CADPS: variants seen among roughly 807,000 people sequenced by gnomAD.
CADPS encodes calcium dependent secretion activator.
A neutral mutation model predicts 167.3 loss-of-function variants in CADPS; 57 were observed. The ratio of observed to expected loss-of-function variants is 0.34; its 90% CI spans 0.28 to 0.42. CADPS has a LOEUF of 0.42. Among genes scored for constraint, CADPS ranks in the 20% least tolerant of loss-of-function variants. The pLI is 1.00. For synonymous variants in CADPS, 676 were observed against 635.3 expected (o/e 1.06, Z -0.96); for missense variants, 1,414 against 1,738.1 (o/e 0.81, Z 3.32).
intron 1 of CADPS, among the ~76,000 whole-genome samples, chr3:62,837,409 C>T (rs1285426602): frequency 1.3e-5 from 2 of 152,198 alleles, no homozygotes; most frequent in Non-Finnish European, 2.9e-5. Context: ...GAGAGAACTA[C>T]AGCATCAGCA....
chr3:62,720,508 A>G (rs1046361280), intron 3 of CADPS, among the ~76,000 whole-genome samples: 16 of 152,036 alleles, frequency 1.1e-4, no homozygotes, highest in Admixed American at 7.9e-4. Context: ...AATTTTTAGA[A>G]AATTATTTTT....
chr3:62,494,424 A>G (rs1335444562), intron 18 of CADPS, among the ~76,000 whole-genome samples: 1 of 152,212 alleles, frequency 6.6e-6, no homozygotes, highest in Non-Finnish European at 1.5e-5. Context: ...CTGATTCCAG[A>G]CATTTGAAAA....
chr3:62,422,419 G>A (rs986598200), intron 28 of CADPS, among the ~76,000 whole-genome samples: 6 of 152,146 alleles, frequency 3.9e-5, no homozygotes, highest in African/African-American at 7.2e-5. Flanking sequence ...ACGATCTATC[G>A]GGAAAGCTCT....
intron 1 of CADPS, among the ~76,000 whole-genome samples, chr3:62,827,420 T>A (rs147969457): frequency 6.6e-6 from 1 of 152,164 alleles, no homozygotes; most frequent in Admixed American, 6.5e-5. Flanking sequence ...ATAACCCCCA[T>A]GAGGCACATA....
At chr3:62,846,931 G>A (rs933113319) in intron 1 of CADPS, among the ~76,000 whole-genome samples, 1 of 152,174 alleles carries the variant, frequency 6.6e-6, no homozygotes, top group African/African-American at 2.4e-5. Context: ...GCCTCCCAAA[G>A]TGCTGGGATT....
At chr3:62,722,746 T>G (rs967128355) in intron 3 of CADPS, among the ~76,000 whole-genome samples, 8 of 152,230 alleles carry the variant, frequency 5.3e-5, no homozygotes, top group African/African-American at 1.9e-4. Flanking sequence ...ATGAACAGAT[T>G]GATCCAGCGT....
chr3:62,641,157 C>G lies in CADPS; in HGVS notation c.1325+4565G>C, dbSNP rs137967994. ...CATTGCTACAAAAGACAAAACAGCA[C>G]CACCAGCCATGAATGGAAGGTAAGC... On this transcript the variant is annotated intron_variant, in intron 6 of 29. Coordinates refer to ENST00000383710, the MANE Select transcript of CADPS (RefSeq NM_003716.4). Among the ~76,000 whole-genome samples, 923 of 152,206 alleles carry G rather than the reference C, an allele frequency of 6.1e-3. 12 individuals are homozygous for G. Among genetic ancestry groups the G allele is most frequent in the African/African-American group, 0.021 (867 of 41,544 alleles).
chr3:62,745,552 C>T (rs12107688), intron 3 of CADPS, among the ~76,000 whole-genome samples: 2 of 152,062 alleles, frequency 1.3e-5, no homozygotes, highest in Non-Finnish European at 2.9e-5. Context: ...TGTCTTGGAA[C>T]AGACAGATTG....
At chr3:62,852,878 A>G (rs911073664) in intron 1 of CADPS, among the ~76,000 whole-genome samples, 8 of 152,370 alleles carry the variant, frequency 5.3e-5, no homozygotes, top group Non-Finnish European at 7.3e-5. Context: ...ATGAATAACT[A>G]GAAACATAAA....
chr3:62,616,051 T>C (rs1226864760), intron 6 of CADPS, among the ~76,000 whole-genome samples: 4 of 152,156 alleles, frequency 2.6e-5, no homozygotes, highest in Non-Finnish European at 5.9e-5. Flanking sequence ...CAAATGTTTT[T>C]CCCCTTTTCT....
At chr3:62,550,929 A>T (rs2077222509) in intron 10 of CADPS, 1 of 456,486 alleles carries the variant, frequency 2.2e-6, no homozygotes. Flanking sequence ...TCCTCCTACC[A>T]TCCTGGCTGC....
intron 1 of CADPS, among the ~76,000 whole-genome samples, chr3:62,872,949 G>T (rs1259280402): frequency 3.9e-5 from 6 of 152,162 alleles, no homozygotes; most frequent in Non-Finnish European, 8.8e-5. Context: ...ATTACAATAG[G>T]AATTCCAAAC....
At position 62,720,846 on chromosome 3, in the gene CADPS, C is replaced by G. The variant is rs1268380900; in HGVS notation, c.888+32595G>C. 3.5e-5 allele frequency among the ~76,000 whole-genome samples: 5 copies of G among 143,336 alleles called. No individual in the cohort carries two copies. In the East Asian group the frequency reaches 1.0e-3, roughly 29 times the overall value. The allele number at this position is 143,336 out of a possible 152,430, so 94.0% of individuals were successfully genotyped here. On this transcript the variant is annotated intron_variant, in intron 3 of 29. Transcript: ENST00000383710. ...TTTTTTTTTCTTTTTGAGGCAGAGT[C>G]TCGCTCTGTCACCCAGACTGGAGTG...
chr3:62,683,531 C>G (rs532472627), intron 3 of CADPS, among the ~76,000 whole-genome samples: 89 of 152,192 alleles, frequency 5.8e-4, no homozygotes, highest in Non-Finnish European at 9.3e-4. Flanking sequence ...CTATCCCACA[C>G]CCAGCAACCC....
rs114885625 is a variant in CADPS at position 62,465,149 on chromosome 3, C to G, written c.3636+218G>C. Among the ~76,000 whole-genome samples, 1,238 of 152,236 alleles carry G rather than the reference C, an allele frequency of 8.1e-3. 14 individuals carry two copies. The highest frequency in any genetic ancestry group is 0.027 in the African/African-American group (1,142 of 41,550). On this transcript the variant is annotated intron_variant, in intron 26 of 29. Transcript: ENST00000383710. This position sits in a 1 kb window ranked among gnomAD's most constrained non-coding sequence, Gnocchi z 4.1. Reference sequence around the variant, plus strand: ...TGTGTGTGTGTGTTCATAAAAAATACACACATATTGTACCTTTACAAATGA... The same window carrying G: ...TGTGTGTGTGTGTTCATAAAAAATAGACACATATTGTACCTTTACAAATGA...
chr3:62,474,584 G>A (rs1241945518), intron 23 of CADPS, among the ~76,000 whole-genome samples: 1 of 152,098 alleles, frequency 6.6e-6, no homozygotes, highest in Non-Finnish European at 1.5e-5. Flanking sequence ...TACATGCTAT[G>A]GAGAACCTTA....
chr3:62,554,579 C>G (rs1339678600), intron 10 of CADPS, among the ~76,000 whole-genome samples: 1 of 152,084 alleles, frequency 6.6e-6, no homozygotes. Flanking sequence ...GAGGAGACTC[C>G]TCAAATCTGA....
At chr3:62,725,100 G>T (rs369297558) in intron 3 of CADPS, among the ~76,000 whole-genome samples, 1 of 152,220 alleles carries the variant, frequency 6.6e-6, no homozygotes, top group South Asian at 2.1e-4. Context: ...TACCAGCCTC[G>T]GAATTCCCAA....
At chr3:62,482,736 T>A (rs1331626624) in intron 21 of CADPS, among the ~76,000 whole-genome samples, 1 of 152,204 alleles carries the variant, frequency 6.6e-6, no homozygotes, top group East Asian at 1.9e-4. Context: ...TGAAAGGGAC[T>A]TCTGGGGAGA....
Sources: gnomAD v4.1 joint callset for allele counts (sites outside exome capture counted in the v4.1 genomes callset) on GRCh38, gnomAD v4.1.1 for gene constraint, Gnocchi (gnomAD v3.1) non-coding constraint, MANE v1.5 for transcripts, NCBI Gene and HGNC (gene_info 2026-07-23, HGNC 2026-07-21) for gene names.